Variants in PSD3 observed in about 807,000 individuals in gnomAD.
PSD3 encodes the protein PH and SEC7 domain-containing protein 3.
In PSD3, 49 loss-of-function variants were observed where a neutral mutation model predicts 105.5. That is an observed-to-expected ratio of 0.46 (90% confidence interval 0.37 to 0.59). The LOEUF (loss-of-function observed/expected upper bound fraction) is 0.59, where lower values mean the gene tolerates loss of function less well. PSD3 is among the 20% of genes least tolerant of loss of function. The pLI is 0.00. For missense variants in PSD3, 1,561 were observed against 1,263.8 expected (o/e 1.24, Z -3.57); for synonymous variants, 557 against 457.8 (o/e 1.22, Z -2.77).
intron 9 of PSD3, among the ~76,000 whole-genome samples, chr8:18,710,500 G>T (rs192808555): frequency 3.3e-4 from 50 of 152,162 alleles, no homozygotes; most frequent in South Asian, 1.7e-3. Flanking sequence ...GAGAACCACA[G>T]TAAGATACTC....
At chr8:18,853,965 C>A (rs1484187015) in intron 4 of PSD3, 2 of 152,008 alleles carry the variant, frequency 1.3e-5, no homozygotes, top group Non-Finnish European at 2.9e-5. Flanking sequence ...TAAGTCTTTC[C>A]TAGGATCTCC....
At chr8:18,627,205 G>T (rs12115111) in intron 11 of PSD3, among the ~76,000 whole-genome samples, 2 of 151,954 alleles carry the variant, frequency 1.3e-5, no homozygotes, top group African/African-American at 4.8e-5. Context: ...AGTGGAAGAG[G>T]GTACCTAAAC....
intron 12 of PSD3, among the ~76,000 whole-genome samples, chr8:18,595,787 A>C (rs77030879): frequency 0.2 from 31,080 of 151,982 alleles, 3,861 homozygotes; most frequent in Non-Finnish European, 0.28. Flanking sequence ...ACAGGACTGA[A>C]GGTAGAAATT....
intron 1 of PSD3, among the ~76,000 whole-genome samples, chr8:19,059,682 G>A (rs1828831929): frequency 6.6e-6 from 1 of 152,188 alleles, no homozygotes. Flanking sequence ...ACTGAGTTGA[G>A]ACCTTTAATC....
chr8:19,027,663 C>CT (rs891020101), intron 1 of PSD3, among the ~76,000 whole-genome samples: 1 of 152,094 alleles, frequency 6.6e-6, no homozygotes, highest in Non-Finnish European at 1.5e-5. Flanking sequence ...GTAGTTTTGT[C>CT]TTTTTTATAA....
chr8:18,575,482 G>C (rs1802412056), intron 12 of PSD3, among the ~76,000 whole-genome samples, 197 bp from the exon 13 acceptor site: 1 of 152,094 alleles, frequency 6.6e-6, no homozygotes, highest in Non-Finnish European at 1.5e-5. Flanking sequence ...CTGAGAATGA[G>C]AAAATACATC....
At chr8:18,887,389 A>T (rs1323557931) in intron 2 of PSD3, among the ~76,000 whole-genome samples, 1 of 152,200 alleles carries the variant, frequency 6.6e-6, no homozygotes, top group African/African-American at 2.4e-5. Context: ...TTACTTGGAA[A>T]TGTGACATGA....
At chr8:19,043,352 A>G (rs764908626) in intron 1 of PSD3, among the ~76,000 whole-genome samples, 2 of 151,824 alleles carry the variant, frequency 1.3e-5, no homozygotes, top group African/African-American at 2.4e-5. Context: ...CTCACAAACA[A>G]CTCTCTCGTC....
At chr8:18,562,396 C>T (rs1447603771) in intron 14 of PSD3, among the ~76,000 whole-genome samples, 1 of 152,222 alleles carries the variant, frequency 6.6e-6, no homozygotes, top group Non-Finnish European at 1.5e-5. Flanking sequence ...ATCATGAAGT[C>T]ACCTTGGAAC....
At chr8:19,074,623 T>A (rs1356345738) in intron 1 of PSD3, among the ~76,000 whole-genome samples, 6 of 105,310 alleles carry the variant, frequency 5.7e-5, no homozygotes, top group South Asian at 3.6e-4. Flanking sequence ...TTTTTTTTTT[T>A]TTTTTTTTTT....
chr8:19,016,047 G>T (rs759209781), upstream of PSD3, among the ~76,000 whole-genome samples: 1 of 152,178 alleles, frequency 6.6e-6, no homozygotes, highest in Non-Finnish European at 1.5e-5. Flanking sequence ...GAAGCCTAAA[G>T]CAAATCAAAT....
chr8:18,958,720 T>C (rs1433438767), intron 1 of PSD3, among the ~76,000 whole-genome samples: 1 of 152,176 alleles, frequency 6.6e-6, no homozygotes, highest in African/African-American at 2.4e-5. Flanking sequence ...GCAGAATACA[T>C]GCATAAAATT....
chr8:19,067,594 C>T (rs1041742955), intron 1 of PSD3, among the ~76,000 whole-genome samples: 13 of 152,162 alleles, frequency 8.5e-5, no homozygotes, highest in African/African-American at 2.4e-4. Context: ...GAACCACAGT[C>T]GGGTGGTTCA....
At chr8:18,550,806 T>C (rs1261971772) in intron 15 of PSD3, among the ~76,000 whole-genome samples, 2 of 152,080 alleles carry the variant, frequency 1.3e-5, no homozygotes, top group African/African-American at 4.8e-5. Context: ...AAAAGAAAAG[T>C]CTTCAATTTC....
chr8:19,038,639 T>G (rs1828024757), intron 1 of PSD3, among the ~76,000 whole-genome samples: 1 of 152,078 alleles, frequency 6.6e-6, no homozygotes, highest in Non-Finnish European at 1.5e-5. Flanking sequence ...TTTTTTATTT[T>G]TTTGTAGAGA....
At chr8:18,611,021 C>T (rs2130643965) in intron 11 of PSD3, among the ~76,000 whole-genome samples, 1 of 152,258 alleles carries the variant, frequency 6.6e-6, no homozygotes, top group South Asian at 2.1e-4. Flanking sequence ...TATTAGGACA[C>T]ATACCCTACC....
chr8:18,856,751 C>A (rs1028435932), intron 4 of PSD3, among the ~76,000 whole-genome samples: 1 of 152,130 alleles, frequency 6.6e-6, no homozygotes, highest in East Asian at 1.9e-4. Flanking sequence ...ATTATTATTA[C>A]AGAAAAACAA....
chr8:19,080,231 A>G (rs1314951853), intron 1 of PSD3, among the ~76,000 whole-genome samples: 1 of 152,164 alleles, frequency 6.6e-6, no homozygotes, highest in African/African-American at 2.4e-5. Flanking sequence ...AAAGAGTTTC[A>G]TTCCCTTTCT....
intron 8 of PSD3, among the ~76,000 whole-genome samples, 177 bp from the exon 9 acceptor site, chr8:18,765,715 A>G (rs1440026301): frequency 6.6e-6 from 1 of 152,092 alleles, no homozygotes; most frequent in African/African-American, 2.4e-5. Flanking sequence ...TCACGAGGTC[A>G]GGAGATAGAG....
Sources: gnomAD v4.1 joint callset for allele counts (sites outside exome capture counted in the v4.1 genomes callset) on GRCh38, gnomAD v4.1.1 for gene constraint, MANE v1.5 for transcripts, NCBI Gene and HGNC (gene_info 2026-07-23, HGNC 2026-07-21) for gene names.